Variants in SHANK2 observed in about 807,000 individuals in gnomAD.
The protein encoded by SHANK2 is SH3 and multiple ankyrin repeat domains 2.
In SHANK2, 43 loss-of-function variants were observed where a neutral mutation model predicts 133.7. The ratio of observed to expected loss-of-function variants is 0.32; its 90% CI spans 0.25 to 0.41. SHANK2 has a LOEUF of 0.41. Among genes scored for constraint, SHANK2 ranks in the 10% least tolerant of loss-of-function variants. The probability of loss-of-function intolerance (pLI) is 1.00; values close to 1 mark genes in which losing one functional copy is unlikely to be tolerated. For synonymous variants in SHANK2, 1,017 were observed against 952.8 expected (o/e 1.07, Z -1.24); for missense variants, 1,994 against 2,235.8 (o/e 0.89, Z 2.18).
At chr11:70,910,832 T>C (rs1290030093) in intron 10 of SHANK2, among the ~76,000 whole-genome samples, 1 of 149,156 alleles carries the variant, frequency 6.7e-6, no homozygotes, top group Non-Finnish European at 1.5e-5. Context: ...GTTGAAAGAA[T>C]AGAGTGATGA....
At chr11:70,640,091 C>T (rs782772703) in intron 17 of SHANK2, among the ~76,000 whole-genome samples, 1 of 152,220 alleles carries the variant, frequency 6.6e-6, no homozygotes, top group African/African-American at 2.4e-5. Flanking sequence ...GGGCCACGCA[C>T]AGCTAGTGCA....
At chr11:70,787,353 T>C (rs1351110659) in intron 14 of SHANK2, among the ~76,000 whole-genome samples, 2 of 132,744 alleles carry the variant, frequency 1.5e-5, no homozygotes, top group Non-Finnish European at 3.2e-5. Flanking sequence ...ACCACCAGCA[T>C]CACCACCAGC....
chr11:70,855,171 G>A (rs1464190976), intron 11 of SHANK2, among the ~76,000 whole-genome samples: 5 of 152,210 alleles, frequency 3.3e-5, no homozygotes, highest in Non-Finnish European at 5.9e-5. Flanking sequence ...CATGATGAGG[G>A]ATAATTAAAA....
intron 12 of SHANK2, among the ~76,000 whole-genome samples, chr11:70,813,654 G>T (rs1176705978): frequency 6.6e-6 from 1 of 152,084 alleles, no homozygotes; most frequent in Non-Finnish European, 1.5e-5. Context: ...TGGCACAGAG[G>T]GCAGCACAGC....
intron 11 of SHANK2, among the ~76,000 whole-genome samples, chr11:70,877,048 T>G (rs1429153176): frequency 1.8e-4 from 27 of 152,248 alleles, no homozygotes; most frequent in Admixed American, 1.8e-3. Context: ...TATTGCTTCC[T>G]GTCCCAGCCA....
intron 17 of SHANK2, among the ~76,000 whole-genome samples, chr11:70,507,669 G>T (rs1359235036): frequency 6.6e-6 from 1 of 152,122 alleles, no homozygotes; most frequent in African/African-American, 2.4e-5. Context: ...GGACAGACAC[G>T]GACATGAGGT....
intron 2 of SHANK2, among the ~76,000 whole-genome samples, chr11:71,195,163 C>T (rs1261680883): frequency 2.0e-5 from 3 of 152,236 alleles, no homozygotes; most frequent in Non-Finnish European, 2.9e-5. Flanking sequence ...GAGGCTGAGG[C>T]GGGAGGATCA....
At chr11:70,581,653 T>C (rs889140414) in intron 17 of SHANK2, among the ~76,000 whole-genome samples, 6 of 152,358 alleles carry the variant, frequency 3.9e-5, no homozygotes, top group African/African-American at 1.4e-4. Context: ...ATCGTGCCAC[T>C]GCACTCCAGC....
intron 2 of SHANK2, among the ~76,000 whole-genome samples, chr11:71,187,376 T>A (rs1953695373): frequency 6.6e-6 from 1 of 151,716 alleles, no homozygotes; most frequent in Admixed American, 6.6e-5. Flanking sequence ...GGGTTTCTCA[T>A]GTTTTGTTTG....
chr11:71,139,430 C>T (rs528442668), intron 3 of SHANK2, among the ~76,000 whole-genome samples: 1 of 151,840 alleles, frequency 6.6e-6, no homozygotes, highest in Non-Finnish European at 1.5e-5. Context: ...TGCAGCACAG[C>T]AACATGGCAC....
In SHANK2 at chr11:71,143,930, C is replaced by T. The variant is rs61887392; in HGVS notation, c.207+3190G>A. Among the ~76,000 whole-genome samples the T allele has an allele frequency of 8.3e-3, 1,267 of 151,900 alleles. 6 individuals carry two copies. Among genetic ancestry groups the T allele is most frequent in the Non-Finnish European group, 0.014 (958 of 67,952 alleles). ...CACAAGTACCACCGATAACGAGCAT[C>T]GACCATCCATTCACCGAGAAAGCAC... On this transcript the variant is annotated intron_variant, in intron 3 of 25. Coordinates refer to ENST00000601538, the MANE Select transcript of SHANK2 (RefSeq NM_012309.5).
intron 25 of SHANK2, among the ~76,000 whole-genome samples, chr11:70,481,036 T>C (rs1555151412): frequency 6.6e-6 from 1 of 152,214 alleles, no homozygotes; most frequent in Non-Finnish European, 1.5e-5. Flanking sequence ...TCACTCTTCC[T>C]TCCCCAAACC....
intron 9 of SHANK2, among the ~76,000 whole-genome samples, chr11:71,056,785 G>A (rs1294539535): frequency 6.8e-6 from 1 of 147,796 alleles, no homozygotes; most frequent in Non-Finnish European, 1.5e-5. Flanking sequence ...CCTATAGAAA[G>A]TCTTGCACAT....
chr11:70,718,284 G>A (rs1945991091), intron 14 of SHANK2, among the ~76,000 whole-genome samples: 1 of 152,196 alleles, frequency 6.6e-6, no homozygotes, highest in Non-Finnish European at 1.5e-5. Flanking sequence ...GCCGTTCAGA[G>A]CCCTGCTTTC....
chr11:70,916,407 GAGGTACAGAA>G, intron 10 of SHANK2, among the ~76,000 whole-genome samples: 1 of 152,216 alleles, frequency 6.6e-6, no homozygotes, highest in South Asian at 2.1e-4. Context: ...ACAGTGGACA[GAGGTACAGAA>G]AGCTCTTGGC....
At chr11:70,701,411 T>C (rs1295247590) in intron 14 of SHANK2, among the ~76,000 whole-genome samples, 1 of 152,158 alleles carries the variant, frequency 6.6e-6, no homozygotes, top group Non-Finnish European at 1.5e-5. Context: ...GAATCTTTTT[T>C]TTTCTTTTGA....
In SHANK2 at chr11:70,486,315, G is replaced by A. The variant is rs370885363; in HGVS notation, c.3978C>T (p.Asn1326=). The change falls in exon 25 of 26, where the codon AAC becomes AAT. Residue 1326 remains asparagine, a synonymous_variant. Coordinates refer to ENST00000601538, the MANE Select transcript of SHANK2 (RefSeq NM_012309.5). The surrounding 1 kb of genome is among the most constrained non-coding windows in gnomAD (Gnocchi z 8.0). ...VHTVDATKLD[N]ALQEEDEKAE... ...CCTTCTCGTCCTCTTCCTGCAGGGC[G>A]TTGTCCAGCTTAGTGGCGTCCACGG... is the stretch of plus-strand genomic sequence containing the variant. The A allele has an allele frequency of 8.7e-6, 14 of 1,613,788 alleles. No individual in the cohort carries two copies. Among genetic ancestry groups the A allele is most frequent in the African/African-American group, 2.7e-5 (2 of 74,918 alleles).
Position 70,661,781 on chromosome 11 carries a change from C to G in SHANK2, c.1854-103G>C, listed in dbSNP as rs781813233. The G allele has an allele frequency of 4.3e-6, 7 of 1,613,760 alleles. No homozygotes were observed. In the Admixed American group the frequency reaches 6.7e-5, roughly 15 times the overall value. ...GTTCATCATCATAGCCAATTAATCA[C>G]CCCAGCTCGCCAGATCCAGGCAGCA... On this transcript the variant is annotated intron_variant, in intron 15 of 25. Transcript: ENST00000601538.
intron 2 of SHANK2, among the ~76,000 whole-genome samples, chr11:71,149,992 A>G (rs1179744077): frequency 7.6e-5 from 1 of 13,222 alleles, no homozygotes. Flanking sequence ...GAGGGAGAGG[A>G]ATGGAGAGGA....
Sources: allele counts gnomAD v4.1 joint callset (sites outside exome capture counted in the v4.1 genomes callset), GRCh38; gene constraint gnomAD v4.1.1; non-coding constraint Gnocchi (gnomAD v3.1); transcripts MANE v1.5; gene names NCBI Gene and HGNC (gene_info 2026-07-23, HGNC 2026-07-21).